PDE8A: variants seen among roughly 807,000 people sequenced by gnomAD.
PDE8A encodes the protein high affinity cAMP-specific and IBMX-insensitive 3',5'-cyclic phosphodiesterase 8A.
Under a neutral mutation model 105.0 loss-of-function variants are expected in PDE8A, and 59 were observed. The ratio of observed to expected loss-of-function variants is 0.56; its 90% confidence interval spans 0.46 to 0.70. PDE8A has a LOEUF of 0.70. Ranked by LOEUF, PDE8A falls within the 30% of genes least tolerant of loss-of-function variation. PDE8A has a pLI of 0.00. For missense variants in PDE8A, 1,014 were observed against 1,045.9 expected (o/e 0.97, Z 0.42); for synonymous variants, 355 against 371.9 (o/e 0.95, Z 0.52).
intron 1 of PDE8A, among the ~76,000 whole-genome samples, chr15:85,047,928 C>T (rs1393482658): frequency 3.3e-5 from 5 of 152,092 alleles, no homozygotes; most frequent in African/African-American, 1.2e-4. Context: ...TATTTATTTT[C>T]CTTACCGGTT....
At chr15:85,034,772 T>G (rs1333073132) in intron 1 of PDE8A, among the ~76,000 whole-genome samples, 1 of 152,172 alleles carries the variant, frequency 6.6e-6, no homozygotes, top group East Asian at 1.9e-4. Flanking sequence ...GGTCTTGAAC[T>G]CCTCCTGGGT....
At chr15:85,128,694 A>G (rs2082291857) in intron 20 of PDE8A, among the ~76,000 whole-genome samples, 1 of 152,220 alleles carries the variant, frequency 6.6e-6, no homozygotes. Flanking sequence ...AGTAAAAGAT[A>G]AACCACCCAA....
chr15:85,082,735 A>G (rs2081487347), intron 5 of PDE8A, among the ~76,000 whole-genome samples: 1 of 152,220 alleles, frequency 6.6e-6, no homozygotes, highest in Non-Finnish European at 1.5e-5. Flanking sequence ...TTGTGCAGGT[A>G]AAAAGCAAGG....
rs115928382 is a variant in PDE8A, at chr15:85,021,146, G to A, written c.186+38798G>A. Among the ~76,000 whole-genome samples, 1,422 of 152,258 alleles carry A rather than the reference G, an allele frequency of 9.3e-3. 31 individuals carry two copies. The highest frequency in any genetic ancestry group is 0.032 in the African/African-American group (1,338 of 41,548). ...GGGAGCTTGTTCTCCTGTCCGCCTT[G>A]TAAGAACACATAGCAGGTGCCATCT... On this transcript the variant is annotated intron_variant, in intron 1 of 21. Coordinates refer to ENST00000394553, the MANE Select transcript of PDE8A (RefSeq NM_002605.3).
intron 20 of PDE8A, among the ~76,000 whole-genome samples, chr15:85,127,558 A>G (rs11073955): frequency 0.59 from 90,358 of 151,996 alleles, 27,114 homozygotes; most frequent in African/African-American, 0.65. Context: ...CCAAAAGCCC[A>G]GTCCCATTTA....
At chr15:85,046,135 T>G (rs773233447) in intron 1 of PDE8A, among the ~76,000 whole-genome samples, 7 of 148,878 alleles carry the variant, frequency 4.7e-5, no homozygotes, top group Non-Finnish European at 1.0e-4. Flanking sequence ...TGGCTCTGTC[T>G]CAGCTCAGTG....
Position 85,110,499 on chromosome 15 carries a change from C to T in PDE8A, c.1114+1369C>T, listed in dbSNP as rs376340390. On this transcript the variant is annotated intron_variant, in intron 12 of 21. Transcript: ENST00000394553. ...AGAAGCAACCATTGATGGCTAGCAC[C>T]GTAAATTAATTCGGCCTCTCCTTGT... 4.6e-5 allele frequency among the ~76,000 whole-genome samples: 7 copies of T among 152,242 alleles called. No individual in the cohort carries two copies. In the South Asian group the frequency reaches 1.2e-3, roughly 27 times the overall value.
At position 85,087,919 on chromosome 15, in the gene PDE8A, A is replaced by T. The variant is rs191906998; in HGVS notation, c.636-1419A>T. On this transcript the variant is annotated intron_variant, in intron 6 of 21. Transcript: ENST00000394553. ...TTTTTCTATAAAATAGAATGTTGAG[A>T]CGTCTGGGTATTGGGATTTCAGGTT... 9.2e-5 allele frequency among the ~76,000 whole-genome samples: 14 copies of T among 152,316 alleles called. No individual in the cohort carries two copies. The East Asian group carries it at 2.3e-3, about 25-fold the overall frequency.
At position 84,981,930 on chromosome 15, in the gene PDE8A, G is replaced by A. The variant is rs2079715211; in HGVS notation, c.-233G>A. On this transcript the variant is annotated 5_prime_UTR_variant, in exon 1 of 22. Coordinates refer to ENST00000394553, the MANE Select transcript of PDE8A (RefSeq NM_002605.3). Reference sequence around the variant, plus strand: ...TCAGGAAGGGCATGTTCGGAGGGGCGGCCTCGGCACGCCACCCGCCTAAGC... The same window carrying A: ...TCAGGAAGGGCATGTTCGGAGGGGCAGCCTCGGCACGCCACCCGCCTAAGC... The A allele has an allele frequency of 3.8e-6, 1 of 261,926 alleles. No individual in the cohort carries two copies. Among genetic ancestry groups the A allele is most frequent in the Admixed American group, 5.4e-5 (1 of 18,468 alleles). The allele number at this position is 261,926 out of a possible 1,614,324, so 16.2% of individuals were successfully genotyped here. A position where few individuals can be genotyped will look rare whatever the true frequency, so the allele number is the denominator to read the frequency against.
intron 5 of PDE8A, 97 bp downstream of exon 5, chr15:85,076,884 GA>G (rs980889693): frequency 2.7e-5 from 24 of 880,140 alleles, no homozygotes; most frequent in African/African-American, 5.0e-5. Flanking sequence ...TTAATTTGAA[GA>G]AAAAAAATTG....
chr15:85,043,958 A>G (rs1222970317), intron 1 of PDE8A, among the ~76,000 whole-genome samples: 1 of 152,202 alleles, frequency 6.6e-6, no homozygotes, highest in Non-Finnish European at 1.5e-5. Flanking sequence ...TGGCCTCCCA[A>G]AGTGCTGGGA....
intron 1 of PDE8A, among the ~76,000 whole-genome samples, chr15:85,056,242 T>C (rs973670090): frequency 6.6e-6 from 1 of 152,214 alleles, no homozygotes; most frequent in Non-Finnish European, 1.5e-5. Flanking sequence ...GCCCTTAACA[T>C]TTTTTCCTTC....
In PDE8A at chr15:84,982,015, C is replaced by G. The variant is rs2079717792; in HGVS notation, c.-148C>G. On this transcript the variant is annotated 5_prime_UTR_variant, in exon 1 of 22. Transcript: ENST00000394553. ...GCCCGCACCGCGATAAAAGGGGCGG[C>G]CGCGTTTCCTGACGCGAGATCCGCG... is the stretch of plus-strand genomic sequence containing the variant. The G allele has an allele frequency of 2.8e-6, 1 of 360,390 alleles. No homozygotes were observed. Among genetic ancestry groups the G allele is most frequent in the Admixed American group, 5.0e-5 (1 of 19,968 alleles). The allele number at this position is 360,390 out of a possible 1,614,324, so 22.3% of individuals were successfully genotyped here.
At position 85,050,230 on chromosome 15, in the gene PDE8A, A is replaced by G. The variant is rs1488084641; in HGVS notation, c.187-14140A>G. On this transcript the variant is annotated intron_variant, in intron 1 of 21. Coordinates refer to ENST00000394553, the MANE Select transcript of PDE8A (RefSeq NM_002605.3). Reference sequence around the variant, plus strand: ...TAGATATTACTCTCTTATCAGATATATGATTGGCAATTACTTTTTCCAGTT... The same window carrying G: ...TAGATATTACTCTCTTATCAGATATGTGATTGGCAATTACTTTTTCCAGTT... 2.6e-5 allele frequency among the ~76,000 whole-genome samples: 4 copies of G among 152,166 alleles called. No individual in the cohort carries two copies. In the East Asian group the frequency reaches 5.8e-4, roughly 22 times the overall value.
chr15:85,006,586 T>C (rs2080151508), intron 1 of PDE8A, among the ~76,000 whole-genome samples: 1 of 152,264 alleles, frequency 6.6e-6, no homozygotes, highest in African/African-American at 2.4e-5. Context: ...GTAATTTTTT[T>C]TATATTGTCT....
chr15:85,045,807 ATTATTTCTCTTTGT>A (rs2080877790), intron 1 of PDE8A, among the ~76,000 whole-genome samples: 1 of 152,160 alleles, frequency 6.6e-6, no homozygotes, highest in South Asian at 2.1e-4. Context: ...CTTTGATCAC[ATTATTTCTCTTTGT>A]CCAGAGAGAG....
chr15:85,107,542 T>A (rs891099739), intron 11 of PDE8A, among the ~76,000 whole-genome samples: 9 of 152,116 alleles, frequency 5.9e-5, no homozygotes, highest in Non-Finnish European at 1.2e-4. Context: ...GGGGATAGAC[T>A]GGAGGTGTTT....
intron 14 of PDE8A, chr15:85,115,228 A>G: frequency 3.9e-6 from 2 of 512,646 alleles, no homozygotes; most frequent in East Asian, 7.3e-5. Context: ...GGCCAGGACC[A>G]TCCTTCCCAG....
At chr15:85,043,236 C>T (rs777825476) in intron 1 of PDE8A, among the ~76,000 whole-genome samples, 1 of 152,180 alleles carries the variant, frequency 6.6e-6, no homozygotes, top group Non-Finnish European at 1.5e-5. Flanking sequence ...CTGCTGAATT[C>T]AGTTTTTCTT....
Sources: gnomAD v4.1 joint callset for allele counts (sites outside exome capture counted in the v4.1 genomes callset) on GRCh38, gnomAD v4.1.1 for gene constraint, MANE v1.5 for transcripts, NCBI Gene and HGNC (gene_info 2026-07-23, HGNC 2026-07-21) for gene names.